Variants in PATJ observed in about 807,000 individuals in gnomAD.
The protein encoded by PATJ is inaD-like protein.
A neutral mutation model predicts 224.9 loss-of-function variants in PATJ; 190 were observed. The observed-to-expected ratio is 0.84, with a 90% confidence interval of 0.75 to 0.95. The LOEUF (loss-of-function observed/expected upper bound fraction) is 0.95. Ranked by LOEUF, PATJ falls within the 40% of genes least tolerant of loss-of-function variation. The pLI is 0.00. For synonymous variants in PATJ, 769 were observed against 820.3 expected (o/e 0.94, Z 1.07); for missense variants, 2,121 against 2,270.3 (o/e 0.93, Z 1.34).
At chr1:61,891,520 A>C (rs1669608125) in intron 22 of PATJ, among the ~76,000 whole-genome samples, 1 of 152,222 alleles carries the variant, frequency 6.6e-6, no homozygotes, top group Admixed American at 6.5e-5. Flanking sequence ...GGCCTCGAGC[A>C]CGTGACACTT....
intron 1 of PATJ, among the ~76,000 whole-genome samples, chr1:61,752,136 C>T (rs1645367171): frequency 1.2e-5 from 1 of 82,648 alleles, no homozygotes. Flanking sequence ...AAAACATCAT[C>T]TCAAAAAAAA....
intron 7 of PATJ, among the ~76,000 whole-genome samples, chr1:61,778,002 C>CT (rs1185998379): frequency 6.6e-6 from 1 of 152,082 alleles, no homozygotes; most frequent in African/African-American, 2.4e-5. Flanking sequence ...ACCTCAGCTT[C>CT]TGGGGGAGCT....
At chr1:61,777,724 T>TTTTTTTTTTTTTTTTTTTTTTTC (rs765662896) in intron 7 of PATJ, among the ~76,000 whole-genome samples, 17 of 106,032 alleles carry the variant, frequency 1.6e-4, no homozygotes, top group African/African-American at 4.9e-4. Flanking sequence ...TTTTTTTTTT[T>TTTTTTTTTTTTTTTTTTTTTTTC]TTTAGCATAG....
intron 43 of PATJ, among the ~76,000 whole-genome samples, chr1:62,157,644 A>C (rs1344699213): frequency 6.7e-6 from 1 of 148,334 alleles, no homozygotes; most frequent in Non-Finnish European, 1.5e-5. Flanking sequence ...CAGCCTGGCC[A>C]ACATGGCAAA....
chr1:62,152,955 A>G (rs1433550879), intron 42 of PATJ, among the ~76,000 whole-genome samples: 1 of 152,140 alleles, frequency 6.6e-6, no homozygotes, highest in Non-Finnish European at 1.5e-5. Flanking sequence ...CCTGGCCAAC[A>G]TGGTGAAACC....
At chr1:62,154,550 A>C (rs1320714673) in intron 43 of PATJ, among the ~76,000 whole-genome samples, 2 of 151,534 alleles carry the variant, frequency 1.3e-5, no homozygotes, top group Non-Finnish European at 2.9e-5. Flanking sequence ...GATCCCAGCT[A>C]CTTGGGAGGC....
At chr1:61,985,741 C>G (rs1198795102) in intron 27 of PATJ, among the ~76,000 whole-genome samples, 2 of 152,000 alleles carry the variant, frequency 1.3e-5, no homozygotes, top group African/African-American at 2.4e-5. Flanking sequence ...CAATGTTAGT[C>G]CCTTCCTCTA....
chr1:61,910,276 G>A lies in PATJ; in HGVS notation c.3492+1794G>A, dbSNP rs1024069869. ...TCAATCCAACCTTTGCTAGTGAGCT[G>A]AGGTGGAAACTTTTGTTTGGATGAC... On this transcript the variant is annotated intron_variant, in intron 25 of 43. Transcript: ENST00000642238. Among the ~76,000 whole-genome samples the A allele has an allele frequency of 2.0e-5, 3 of 152,202 alleles. No individual in the cohort carries two copies. The South Asian group carries it at 6.2e-4, about 31-fold the overall frequency.
chr1:62,158,572 T>G (rs1161223698), intron 43 of PATJ, among the ~76,000 whole-genome samples: 1 of 148,546 alleles, frequency 6.7e-6, no homozygotes, highest in African/African-American at 2.4e-5. Flanking sequence ...ATACAAAAAA[T>G]TAGCCAGGCG....
intron 29 of PATJ, among the ~76,000 whole-genome samples, chr1:62,032,285 A>C (rs1649476083): frequency 6.6e-6 from 1 of 152,192 alleles, no homozygotes; most frequent in Non-Finnish European, 1.5e-5. Flanking sequence ...ATCCTGAAGC[A>C]AACAATGGTG....
intron 33 of PATJ, among the ~76,000 whole-genome samples, chr1:62,102,510 A>C (rs1444238951): frequency 6.6e-6 from 1 of 152,166 alleles, no homozygotes; most frequent in South Asian, 2.1e-4. Context: ...ATATAGGTGC[A>C]CAGAAATAGG....
intron 29 of PATJ, among the ~76,000 whole-genome samples, chr1:62,028,831 G>A (rs1648573675): frequency 6.6e-6 from 1 of 152,126 alleles, no homozygotes; most frequent in African/African-American, 2.4e-5. Flanking sequence ...GCCTGTACCT[G>A]TAGTCCCAGC....
chr1:61,935,858 C>G (rs997139203), intron 27 of PATJ, among the ~76,000 whole-genome samples: 31 of 151,616 alleles, frequency 2.0e-4, no homozygotes, highest in Non-Finnish European at 3.7e-4. Flanking sequence ...TTCCTTGCAT[C>G]TTCATGTTTT....
intron 38 of PATJ, among the ~76,000 whole-genome samples, chr1:62,121,604 A>G (rs1383239632): frequency 1.3e-5 from 2 of 151,838 alleles, no homozygotes; most frequent in Non-Finnish European, 2.9e-5. Flanking sequence ...CGTCTCTATT[A>G]AAATACAAAA....
At chr1:61,865,443 G>A (rs1665265281) in intron 20 of PATJ, 1 of 151,612 alleles carries the variant, frequency 6.6e-6, no homozygotes, top group Non-Finnish European at 1.5e-5. Flanking sequence ...TGTTGCCCAG[G>A]CTGGTCTTGA....
At chr1:62,090,942 T>G (rs181772892) in intron 33 of PATJ, among the ~76,000 whole-genome samples, 3 of 152,236 alleles carry the variant, frequency 2.0e-5, no homozygotes, top group Non-Finnish European at 4.4e-5. Context: ...CTGGGGTTAT[T>G]ATCAGGCTTG....
intron 14 of PATJ, among the ~76,000 whole-genome samples, chr1:61,810,710 AT>A (rs1243707704): frequency 4.8e-5 from 7 of 147,034 alleles, no homozygotes; most frequent in Admixed American, 6.7e-5. Context: ...AAATAAATAA[AT>A]AAATAAATAA....
At chr1:61,957,309 A>G (rs927655905) in intron 27 of PATJ, among the ~76,000 whole-genome samples, 1 of 152,220 alleles carries the variant, frequency 6.6e-6, no homozygotes, top group Non-Finnish European at 1.5e-5. Context: ...TATGGGCTGC[A>G]TGGTACAATG....
intron 35 of PATJ, 37 bp from the exon 36 acceptor site, chr1:62,116,495 G>A (rs1664455962): frequency 6.2e-7 from 1 of 1,609,334 alleles, no homozygotes; most frequent in South Asian, 1.1e-5. Context: ...GAAATATTAG[G>A]TTGTGCCAAT....
Sources: gnomAD v4.1 joint callset for allele counts (sites outside exome capture counted in the v4.1 genomes callset) on GRCh38, gnomAD v4.1.1 for gene constraint, MANE v1.5 for transcripts, NCBI Gene and HGNC (gene_info 2026-07-23, HGNC 2026-07-21) for gene names.